Variants in MTSS1 observed in about 807,000 individuals in gnomAD.
MTSS1 encodes MTSS I-BAR domain containing 1.
In MTSS1, 18 loss-of-function variants were observed where a neutral mutation model predicts 79.0. That is an observed-to-expected ratio of 0.23 (90% CI 0.16 to 0.34). The LOEUF (loss-of-function observed/expected upper bound fraction) is 0.34. Ranked by LOEUF, MTSS1 falls within the 10% of genes least tolerant of loss-of-function variation. The pLI, the probability that MTSS1 is intolerant of heterozygous loss-of-function variation, is 1.00. For synonymous variants in MTSS1, 341 were observed against 368.6 expected (o/e 0.93, Z 0.86); for missense variants, 815 against 986.2 (o/e 0.83, Z 2.33).
chr8:124,608,614 G>A (rs913975559), intron 3 of MTSS1, among the ~76,000 whole-genome samples: 1 of 152,162 alleles, frequency 6.6e-6, no homozygotes, highest in Admixed American at 6.5e-5. Context: ...CAACACTTAA[G>A]GCCTATGCAA....
rs1827644214 is a variant in MTSS1, at chr8:124,570,936, G to A, written c.461-2400C>T. Among the ~76,000 whole-genome samples the A allele has an allele frequency of 1.3e-5, 2 of 152,116 alleles. 1 individual carries two copies. Among genetic ancestry groups the A allele is most frequent in the Admixed American group, 1.3e-4 (2 of 15,264 alleles). ...GATCCTCCCACCTCAGCCTCCCAAA[G>A]TGCTGGGATTACAGACATGAGCCAC... On this transcript the variant is annotated intron_variant, in intron 6 of 13. Transcript: ENST00000518547.
intron 3 of MTSS1, among the ~76,000 whole-genome samples, chr8:124,642,666 C>T (rs1326386971): frequency 6.6e-6 from 1 of 152,096 alleles, no homozygotes; most frequent in Non-Finnish European, 1.5e-5. Flanking sequence ...GATCTCGGCT[C>T]ACTGCAACCT....
chr8:124,706,896 C>T (rs1382487052), intron 1 of MTSS1, among the ~76,000 whole-genome samples: 3 of 152,170 alleles, frequency 2.0e-5, no homozygotes, highest in Non-Finnish European at 4.4e-5. Context: ...ACCCCTTGTA[C>T]ACCTACATCC....
At chr8:124,559,260 T>C (rs532909128) in intron 10 of MTSS1, among the ~76,000 whole-genome samples, 8 of 152,284 alleles carry the variant, frequency 5.3e-5, no homozygotes, top group Non-Finnish European at 1.0e-4. Context: ...ACCTCTCTTA[T>C]GTGCATAGGT....
Position 124,553,736 on chromosome 8 carries a change from G to T in MTSS1, c.1568-44C>A. On this transcript the variant is annotated intron_variant, in intron 13 of 13. Transcript: ENST00000518547. This position sits in a 1 kb window ranked among gnomAD's most constrained non-coding sequence, Gnocchi z 6.0. ...TAGACATATTCAAGACAGCAGCTGT[G>T]CTTTTTTGATTCTTCTGGGCTGGGA... The T allele has an allele frequency of 6.5e-7, 1 of 1,536,154 alleles. No individual in the cohort carries two copies.
intron 3 of MTSS1, among the ~76,000 whole-genome samples, chr8:124,644,902 C>T (rs1362262600): frequency 1.3e-5 from 2 of 152,124 alleles, no homozygotes; most frequent in East Asian, 1.9e-4. Context: ...AAATGTCTAG[C>T]TGGATAAACT....
At chr8:124,629,523 A>G (rs1019823008) in intron 3 of MTSS1, among the ~76,000 whole-genome samples, 2 of 130,578 alleles carry the variant, frequency 1.5e-5, no homozygotes, top group Admixed American at 7.3e-5. Context: ...AAAAAAAAAA[A>G]AAAGAAAAGA....
chr8:124,568,842 C>T (rs1480267411), intron 6 of MTSS1: 1 of 1,436,590 alleles, frequency 7.0e-7, no homozygotes, highest in Non-Finnish European at 9.1e-7. Context: ...CCAACACAAC[C>T]CTGGAACACA....
At chr8:124,685,883 G>A (rs1253581010) in intron 3 of MTSS1, among the ~76,000 whole-genome samples, 1 of 152,166 alleles carries the variant, frequency 6.6e-6, no homozygotes. Context: ...AGACAAGTGG[G>A]AGGGGACAGG....
rs1210443621 is a variant in MTSS1, at chr8:124,562,796, C to T, written c.1021G>A (p.Glu341Lys). 2 of 1,614,098 alleles carry T rather than the reference C, an allele frequency of 1.2e-6. No homozygotes were observed. The highest frequency in any genetic ancestry group is 2.2e-5 in the South Asian group (2 of 91,080). Reference protein sequence around the residue: ...QSKSPSPMPPEAPNQLSNGFS... With the variant: ...QSKSPSPMPPKAPNQLSNGFS... ...GGCACCCTTACCTGGTTGGGGGCCT[C>T]TGGCGGCATGGGGGATGGTGACTTG... Residue 341 changes from glutamate to lysine, a missense_variant, in exon 10 of 14, where the codon GAG becomes AAG. Physicochemically the swap from Glu to Lys is moderately conservative, Grantham distance 56. Transcript: ENST00000518547.
chr8:124,602,431 C>T (rs1411747965), intron 3 of MTSS1, among the ~76,000 whole-genome samples: 1 of 151,894 alleles, frequency 6.6e-6, no homozygotes, highest in Non-Finnish European at 1.5e-5. Context: ...AACTCCTGGC[C>T]TCAAGTGATT....
Position 124,669,857 on chromosome 8 carries a change from C to T in MTSS1, c.208+29669G>A, listed in dbSNP as rs548807846. Among the ~76,000 whole-genome samples the T allele has an allele frequency of 3.9e-5, 6 of 152,332 alleles. No homozygotes were observed. The East Asian group carries it at 5.8e-4, about 15-fold the overall frequency. ...ACTAGATAAAGGCAGATGGTACGCGCGTCTTGCTCCTGCTCTACTAATAGC... is the reference window on the plus strand; with the variant it reads ...ACTAGATAAAGGCAGATGGTACGCGTGTCTTGCTCCTGCTCTACTAATAGC... On this transcript the variant is annotated intron_variant, in intron 3 of 13. Coordinates refer to ENST00000518547, the MANE Select transcript of MTSS1 (RefSeq NM_014751.6).
intron 1 of MTSS1, among the ~76,000 whole-genome samples, chr8:124,721,923 C>T (rs1833001371): frequency 6.6e-6 from 1 of 152,196 alleles, no homozygotes. Context: ...CCTAGAACCT[C>T]GCCTTCTGGT....
At chr8:124,616,226 T>G (rs1341876824) in intron 3 of MTSS1, among the ~76,000 whole-genome samples, 1 of 152,174 alleles carries the variant, frequency 6.6e-6, no homozygotes, top group African/African-American at 2.4e-5. Context: ...AAGATTCCAC[T>G]GCAACAAACT....
At chr8:124,638,052 C>T (rs1563911937) in intron 3 of MTSS1, among the ~76,000 whole-genome samples, 1 of 152,252 alleles carries the variant, frequency 6.6e-6, no homozygotes, top group Non-Finnish European at 1.5e-5. Context: ...ATAGAAGAAT[C>T]ACCTGAGACA....
intron 6 of MTSS1, chr8:124,580,755 C>T: frequency 1.8e-6 from 1 of 563,960 alleles, no homozygotes; most frequent in Non-Finnish European, 3.2e-6. Context: ...CTCTGCCTTA[C>T]TAATATCTTC....
intron 3 of MTSS1, among the ~76,000 whole-genome samples, chr8:124,674,490 C>T (rs930086881): frequency 1.3e-5 from 2 of 152,146 alleles, no homozygotes; most frequent in African/African-American, 4.8e-5. Flanking sequence ...GGATTATAGG[C>T]ACACATCACC....
At chr8:124,639,128 G>A (rs993697651) in intron 3 of MTSS1, among the ~76,000 whole-genome samples, 3 of 152,310 alleles carry the variant, frequency 2.0e-5, no homozygotes, top group Admixed American at 2.0e-4. Flanking sequence ...CTAGAGGTCA[G>A]GAGTTCCAGA....
chr8:124,689,444 T>C (rs891175618), intron 3 of MTSS1, among the ~76,000 whole-genome samples: 1 of 151,018 alleles, frequency 6.6e-6, no homozygotes, highest in Non-Finnish European at 1.5e-5. Context: ...CAAGAGAACA[T>C]TAAAAAAAAA....
Sources: allele counts gnomAD v4.1 joint callset (sites outside exome capture counted in the v4.1 genomes callset), GRCh38; gene constraint gnomAD v4.1.1; non-coding constraint Gnocchi (gnomAD v3.1); transcripts MANE v1.5; gene names NCBI Gene and HGNC (gene_info 2026-07-23, HGNC 2026-07-21).